Variants in PRPF6 observed in about 807,000 individuals in gnomAD.
The protein encoded by PRPF6 is pre-mRNA processing factor 6.
A neutral mutation model predicts 118.3 loss-of-function variants in PRPF6; 42 were observed. That is an observed-to-expected ratio of 0.35 (90% confidence interval 0.28 to 0.46). The LOEUF (loss-of-function observed/expected upper bound fraction) is 0.46, where lower values mean the gene tolerates loss of function less well. Among genes scored for constraint, PRPF6 ranks in the 20% least tolerant of loss-of-function variants. PRPF6 has a pLI of 1.00. For synonymous variants in PRPF6, 481 were observed against 485.1 expected (o/e 0.99, Z 0.11); for missense variants, 662 against 1,255.7 (o/e 0.53, Z 7.15).
intron 12 of PRPF6, 33 bp downstream of exon 12, chr20:64,016,878 A>G (rs1368432033): frequency 1.2e-6 from 2 of 1,613,462 alleles, no homozygotes; most frequent in Non-Finnish European, 1.7e-6. Context: ...TGTCCGTAAT[A>G]TGGAGTCTCT....
chr20:64,009,798 C>T (rs76510320), intron 9 of PRPF6, among the ~76,000 whole-genome samples: 1,734 of 152,326 alleles, frequency 0.011, 41 homozygotes, highest in African/African-American at 0.04. Context: ...TATCCCCATT[C>T]GTTGGCAGTC....
rs764595690 is a variant in PRPF6 at position 64,028,448 on chromosome 20, T to C, written c.2340-30T>C. On this transcript the variant is annotated intron_variant, in intron 17 of 20. Coordinates refer to ENST00000266079, the MANE Select transcript of PRPF6 (RefSeq NM_012469.4). This position sits in a 1 kb window ranked among gnomAD's most constrained non-coding sequence, Gnocchi z 6.5. ...AGAATATGTGCTGTTGGTAGACGGC[T>C]GTGGGACCTCCGGGGGCCTGTCTCC... The C allele has an allele frequency of 6.2e-7, 1 of 1,611,756 alleles. No individual in the cohort carries two copies. The highest frequency in any genetic ancestry group is 1.1e-5 in the South Asian group (1 of 91,048).
Position 64,025,928 on chromosome 20 carries a change from T to C in PRPF6, c.1909-11T>C. 6.2e-7 allele frequency: 1 copy of C among 1,613,600 alleles called. No individual in the cohort carries two copies. The highest frequency in any genetic ancestry group is 8.5e-7 in the Non-Finnish European group (1 of 1,180,030). Reference sequence around the variant, plus strand: ...CTGACCCCTCTTGACGCTGCTGTACTTGCCCTTCAGGCCAACCCCAACAGT... The same window carrying C: ...CTGACCCCTCTTGACGCTGCTGTACCTGCCCTTCAGGCCAACCCCAACAGT... On this transcript the variant is annotated splice_polypyrimidine_tract_variant and intron_variant, in intron 14 of 20. Transcript: ENST00000266079.
rs1324473191 is a variant in PRPF6, at chr20:64,033,025, G to A, written c.*32G>A. ...GGTTGCCATGGCCGGTCTCCGTGGG[G>A]CAGGGTTGGGCCGCATGTGGAAGGG... is the stretch of plus-strand genomic sequence containing the variant. On this transcript the variant is annotated 3_prime_UTR_variant, in exon 21 of 21. Coordinates refer to ENST00000266079, the MANE Select transcript of PRPF6 (RefSeq NM_012469.4). The A allele has an allele frequency of 1.2e-6, 2 of 1,612,280 alleles. No individual in the cohort carries two copies. Among genetic ancestry groups the A allele is most frequent in the Non-Finnish European group, 1.7e-6 (2 of 1,179,858 alleles).
At chr20:64,009,070 G>A (rs1286289653) in intron 9 of PRPF6, among the ~76,000 whole-genome samples, 1 of 150,648 alleles carries the variant, frequency 6.6e-6, no homozygotes, top group African/African-American at 2.4e-5. Context: ...GGATCATGTG[G>A]TCAAGAGATC....
Position 63,995,387 on chromosome 20 carries a change from A to G in PRPF6, c.676A>G (p.Met226Val). The stretch of plus-strand genomic sequence containing the variant: ...ACTAAACACTCCATACCCAGGTGGA[A>G]TGACGCCAGGACTGATGACACCTGG... ...GGLNTPYPGG[M>V]TPGLMTPGTG... The change falls in exon 6 of 21, where the codon ATG becomes GTG. Residue 226 changes from methionine (M) to valine (V), a missense_variant. Coordinates refer to ENST00000266079, the MANE Select transcript of PRPF6 (RefSeq NM_012469.4). 2 of 1,614,124 alleles carry G rather than the reference A, an allele frequency of 1.2e-6. No individual in the cohort carries two copies. Among genetic ancestry groups the G allele is most frequent in the East Asian group, 2.2e-5 (1 of 44,880 alleles).
At chr20:64,020,283 G>A (rs1449409812) in intron 12 of PRPF6, among the ~76,000 whole-genome samples, 1 of 152,160 alleles carries the variant, frequency 6.6e-6, no homozygotes, top group East Asian at 1.9e-4. Context: ...GGGTGTGGTG[G>A]CAGGCGCTTG....
chr20:64,000,882 G>T (rs1427128820), intron 8 of PRPF6, among the ~76,000 whole-genome samples, 195 bp from the exon 9 acceptor site: 1 of 152,180 alleles, frequency 6.6e-6, no homozygotes, highest in Non-Finnish European at 1.5e-5. Context: ...GTGTTCTTCA[G>T]TCAGACATAT....
intron 2 of PRPF6, among the ~76,000 whole-genome samples, chr20:63,983,684 C>T (rs1164028168): frequency 1.6e-5 from 2 of 124,428 alleles, no homozygotes; most frequent in Non-Finnish European, 3.2e-5. Context: ...GACGGACTTT[C>T]GCTCTTGTTG....
Position 64,011,275 on chromosome 20 carries a change from C to A in PRPF6, c.1306-10C>A, listed in dbSNP as rs1417662258. 1 of 1,613,868 alleles carries A rather than the reference C, an allele frequency of 6.2e-7. No homozygotes were observed. Among genetic ancestry groups the A allele is most frequent in the South Asian group, 1.1e-5 (1 of 91,052 alleles). ...TGTCCTCTCCTTTTTCTCGTGTCCT[C>A]TCCGCGTAGCTCTGGCTTGCTCTGG... is the stretch of plus-strand genomic sequence containing the variant. On this transcript the variant is annotated splice_polypyrimidine_tract_variant and intron_variant, in intron 10 of 20. Transcript: ENST00000266079. The surrounding 1 kb of genome is among the most constrained non-coding windows in gnomAD (Gnocchi z 6.7).
intron 12 of PRPF6, among the ~76,000 whole-genome samples, chr20:64,019,092 G>GTT (rs766307130): frequency 0.019 from 2,205 of 119,030 alleles, 52 homozygotes; most frequent in African/African-American, 0.054. Flanking sequence ...TTTGTTGTTG[G>GTT]TTTTTTTTTT....
At chr20:64,014,047 C>T (rs1317344628) in intron 11 of PRPF6, among the ~76,000 whole-genome samples, 2 of 151,940 alleles carry the variant, frequency 1.3e-5, no homozygotes, top group South Asian at 2.1e-4. Flanking sequence ...AAGCAATTCT[C>T]CTGCCTCAGC....
At chr20:64,013,014 G>A (rs2059221557) in intron 11 of PRPF6, among the ~76,000 whole-genome samples, 1 of 146,808 alleles carries the variant, frequency 6.8e-6, no homozygotes, top group Non-Finnish European at 1.5e-5. Context: ...TAGAGGGCTA[G>A]AGTGCAGTGG....
intron 11 of PRPF6, among the ~76,000 whole-genome samples, chr20:64,016,278 A>G (rs764263961): frequency 4.6e-5 from 7 of 151,830 alleles, no homozygotes; most frequent in Non-Finnish European, 8.8e-5. Context: ...ACCCACCACC[A>G]CGCCTGGCTA....
At chr20:64,002,645 CTTT>C (rs1231191438) in intron 9 of PRPF6, among the ~76,000 whole-genome samples, 5 of 98,292 alleles carry the variant, frequency 5.1e-5, no homozygotes, top group Non-Finnish European at 4.3e-5. Context: ...CTTTTCTTTT[CTTT>C]TTTTTTTTTT....
At chr20:63,988,602 G>A (rs990430687) in intron 3 of PRPF6, among the ~76,000 whole-genome samples, 1 of 152,156 alleles carries the variant, frequency 6.6e-6, no homozygotes, top group African/African-American at 2.4e-5. Context: ...AAATAGCCAG[G>A]TGCAGTGGCT....
Position 64,029,592 on chromosome 20 carries a change from A to G in PRPF6, c.2546+101A>G, listed in dbSNP as rs1040405055. ...CCTGGTCATTGTAAAGATGCCCGGC[A>G]GCAGGGTGGGCTTCCCCGATCCTCG... is the stretch of plus-strand genomic sequence containing the variant. On this transcript the variant is annotated intron_variant, in intron 19 of 20. Transcript: ENST00000266079. The surrounding 1 kb of genome is among the most constrained non-coding windows in gnomAD (Gnocchi z 4.8). The G allele has an allele frequency of 2.8e-6, 3 of 1,080,568 alleles. No homozygotes were observed. Among genetic ancestry groups the G allele is most frequent in the Non-Finnish European group, 4.2e-6 (3 of 717,452 alleles). 66.9% of individuals were successfully genotyped at this position (1,080,568 alleles called of 1,614,324 possible). A position where few individuals can be genotyped will look rare whatever the true frequency, so the allele number is the denominator to read the frequency against.
intron 13 of PRPF6, among the ~76,000 whole-genome samples, chr20:64,023,221 T>G (rs984833505): frequency 6.6e-6 from 1 of 152,116 alleles, no homozygotes; most frequent in African/African-American, 2.4e-5. Flanking sequence ...CAGCGGTGGG[T>G]GGGGCAGCAT....
chr20:64,032,708 C>T, intron 20 of PRPF6, 133 bp from the exon 21 acceptor site: 1 of 1,158,652 alleles, frequency 8.6e-7, no homozygotes, highest in Non-Finnish European at 1.2e-6. Context: ...CGGTGCAGGG[C>T]CTGTGCCCTC....
Sources: allele counts gnomAD v4.1 joint callset (sites outside exome capture counted in the v4.1 genomes callset), GRCh38; gene constraint gnomAD v4.1.1; non-coding constraint Gnocchi (gnomAD v3.1); transcripts MANE v1.5; gene names NCBI Gene and HGNC (gene_info 2026-07-23, HGNC 2026-07-21).